Variants in RNF128 observed in about 807,000 individuals in gnomAD.
RNF128 encodes the protein ring finger protein 128.
Under a neutral mutation model 26.2 loss-of-function variants are expected in RNF128, and 13 were observed. The ratio of observed to expected loss-of-function variants is 0.50; its 90% CI spans 0.32 to 0.79. RNF128 has a LOEUF of 0.79. Among genes scored for constraint, RNF128 ranks in the 30% least tolerant of loss-of-function variants. The pLI is 0.03. For missense variants in RNF128, 315 were observed against 349.7 expected, an observed-to-expected ratio of 0.90 and a Z score of 0.79; for synonymous variants, 149 against 142.5, an observed-to-expected ratio of 1.05 and a Z score of -0.32.
intron 1 of RNF128, among the ~76,000 whole-genome samples, chrX:106,754,563 AT>A (rs1437908591): frequency 3.7e-5 from 4 of 107,388 alleles, no homozygotes; most frequent in South Asian, 4.1e-4. Flanking sequence ...CCCAGCCAAA[AT>A]TTTTTTTAAA....
intron 2 of RNF128, among the ~76,000 whole-genome samples, chrX:106,778,343 G>A (rs920620957): frequency 9.8e-5 from 11 of 112,061 alleles, no homozygotes; most frequent in African/African-American, 3.2e-4. Flanking sequence ...TTACTGTACT[G>A]AAAGTTTTAT....
In RNF128 at chrX:106,750,782, T is replaced by A. The variant is rs778517667; in HGVS notation, c.485-22131T>A. 1.3e-4 allele frequency among the ~76,000 whole-genome samples: 14 copies of A among 111,350 alleles called. No homozygotes were observed. The South Asian group carries it at 5.3e-3, about 42-fold the overall frequency. On this transcript the variant is annotated intron_variant, in intron 1 of 6. Coordinates refer to ENST00000255499, the MANE Select transcript of RNF128 (RefSeq NM_194463.2). ...GAGAGATGCTGCTAGAAGCAACAAC[T>A]GAAGTGAGAACCTTCCTCCCTCAAA...
At chrX:106,726,700 C>G (rs1046789120), upstream of RNF128, 17 of 1,023,846 alleles carry the variant, frequency 1.7e-5, no homozygotes, top group African/African-American at 3.4e-4. Context: ...ACGCGGCAGC[C>G]GCGGTAGCGG....
chrX:106,763,675 T>G (rs1930160325), intron 1 of RNF128, among the ~76,000 whole-genome samples: 1 of 109,480 alleles, frequency 9.1e-6, no homozygotes, highest in African/African-American at 3.3e-5. Context: ...CCCGGCTAAT[T>G]TTTTGTATTT....
At chrX:106,717,006 T>A (rs1929227416) in intron 1 of RNF128, among the ~76,000 whole-genome samples, 1 of 109,781 alleles carries the variant, frequency 9.1e-6, no homozygotes, top group African/African-American at 3.3e-5. Context: ...ATCGAGACCA[T>A]CCTGGCTAGC....
At chrX:106,721,188 A>G (rs1929304391) in intron 1 of RNF128, among the ~76,000 whole-genome samples, 1 of 111,837 alleles carries the variant, frequency 8.9e-6, no homozygotes, top group Non-Finnish European at 1.9e-5. Flanking sequence ...TCTTCTTGCT[A>G]TCTACATAGA....
chrX:106,757,600 G>A (rs1281423294), intron 1 of RNF128, among the ~76,000 whole-genome samples: 2 of 66,583 alleles, frequency 3.0e-5, no homozygotes, highest in African/African-American at 1.1e-4. Flanking sequence ...GGGGGGAGGG[G>A]GGAGGGATAG....
chrX:106,693,894 G>A, exon 1 of RNF128: 4 of 629,650 alleles, frequency 6.4e-6, no homozygotes, highest in Non-Finnish European at 9.8e-6. Flanking sequence ...TTACCTACGT[G>A]CAACTGAAAT....
intron 1 of RNF128, among the ~76,000 whole-genome samples, chrX:106,735,112 G>T (rs1929571811): frequency 9.0e-6 from 1 of 111,289 alleles, no homozygotes; most frequent in African/African-American, 3.3e-5. Flanking sequence ...CGTAGTTACT[G>T]CTTGAATTTA....
intron 1 of RNF128, among the ~76,000 whole-genome samples, chrX:106,701,454 G>A (rs377016080): frequency 9.0e-6 from 1 of 111,119 alleles, no homozygotes; most frequent in African/African-American, 3.3e-5. Context: ...TTTGTGTGTC[G>A]ATAGATACAG....
At chrX:106,701,537 G>A (rs1214440856) in intron 1 of RNF128, among the ~76,000 whole-genome samples, 1 of 111,540 alleles carries the variant, frequency 9.0e-6, no homozygotes, top group African/African-American at 3.3e-5. Flanking sequence ...GAAATAATAA[G>A]GTGGTATACA....
chrX:106,780,526 G>A (rs752250891), intron 2 of RNF128, among the ~76,000 whole-genome samples: 1 of 111,865 alleles, frequency 8.9e-6, no homozygotes, highest in Non-Finnish European at 1.9e-5. Flanking sequence ...TCTTAGACCA[G>A]GTATCTCTTA....
intron 1 of RNF128, among the ~76,000 whole-genome samples, chrX:106,714,539 C>T (rs1306464386): frequency 9.0e-6 from 1 of 110,855 alleles, no homozygotes; most frequent in Non-Finnish European, 1.9e-5. Context: ...TGATACAATC[C>T]ACCCACCTTA....
At chrX:106,760,316 T>C (rs1930097061) in intron 1 of RNF128, among the ~76,000 whole-genome samples, 1 of 111,575 alleles carries the variant, frequency 9.0e-6, no homozygotes, top group Non-Finnish European at 1.9e-5. Context: ...GATTTTACAA[T>C]GGGCAAAAGA....
At chrX:106,721,764 A>G (rs1044933893), upstream of RNF128, among the ~76,000 whole-genome samples, 3 of 112,100 alleles carry the variant, frequency 2.7e-5, no homozygotes, top group African/African-American at 9.7e-5. Context: ...TTAAGTCATT[A>G]TCAGCTATTA....
intron 1 of RNF128, among the ~76,000 whole-genome samples, chrX:106,732,131 A>T (rs1400693631): frequency 9.0e-6 from 1 of 111,481 alleles, no homozygotes; most frequent in Non-Finnish European, 1.9e-5. Flanking sequence ...TTGCCAACAG[A>T]CCTGTTTTTC....
rs376760842 is a variant in RNF128 at position 106,726,988 on chromosome X, C to T, written c.75C>T (p.Phe25=). The part of the protein sequence containing the change: ...CGFSRLLAWC[F]LLALSPQAPG... Reference sequence around the variant, plus strand: ...TTTCCAGATTGCTGGCATGGTGCTTCCTGCTGGCCCTGAGTCCGCAGGCAC... The same window carrying T: ...TTTCCAGATTGCTGGCATGGTGCTTTCTGCTGGCCCTGAGTCCGCAGGCAC... The change falls in exon 1 of 7, where the codon TTC becomes TTT. Residue 25 remains phenylalanine (F), a synonymous_variant. Transcript: ENST00000255499. The T allele has an allele frequency of 3.5e-5, 42 of 1,200,080 alleles. No individual in the cohort carries two copies. The African/African-American group carries it at 5.6e-4, about 16-fold the overall frequency.
chrX:106,753,812 A>T (rs187199884), intron 1 of RNF128, among the ~76,000 whole-genome samples: 9 of 112,109 alleles, frequency 8.0e-5, no homozygotes, highest in Admixed American at 1.9e-4. Context: ...TACTTATATC[A>T]CACAATATAG....
upstream of RNF128, among the ~76,000 whole-genome samples, chrX:106,724,316 C>A (rs1394580080): frequency 1.8e-5 from 2 of 111,596 alleles, no homozygotes; most frequent in East Asian, 5.6e-4. Context: ...ACCTGTAGCA[C>A]TGCCAACCAT....
Sources: allele counts gnomAD v4.1 joint callset (sites outside exome capture counted in the v4.1 genomes callset), GRCh38; gene constraint gnomAD v4.1.1; transcripts MANE v1.5; gene names NCBI Gene and HGNC (gene_info 2026-07-23, HGNC 2026-07-21).